The following AARSD1 variants were observed in gnomAD, a reference collection of about 807,000 sequenced individuals.
The protein encoded by AARSD1 is alanyl-tRNA synthetase domain containing 1, also known as alanyl-tRNA editing protein Aarsd1.
A neutral mutation model predicts 48.7 loss-of-function variants in AARSD1; 44 were observed. The observed-to-expected ratio is 0.90, with a 90% CI of 0.71 to 1.16. The LOEUF is 1.16. AARSD1 is among the 50% of genes most tolerant of loss of function. The pLI is 0.00. For missense variants in AARSD1, 511 were observed against 523.1 expected, an observed-to-expected ratio of 0.98 and a Z score of 0.23; for synonymous variants, 189 against 194.9, an observed-to-expected ratio of 0.97 and a Z score of 0.25.
Position 42,964,409 on chromosome 17 carries a change from G to A in AARSD1, c.32C>T (p.Ala11Val). 5.8e-6 allele frequency: 9 copies of A among 1,551,358 alleles called. No homozygotes were observed. The highest frequency in any genetic ancestry group is 7.8e-6 in the Non-Finnish European group (9 of 1,147,264). The change falls in exon 1 of 12, where the codon GCC becomes GTC. Residue 11 changes from alanine to valine, a missense_variant. By Grantham distance (64) the Ala-to-Val change is moderately conservative (BLOSUM62 0). Coordinates refer to ENST00000427569, the MANE Select transcript of AARSD1 (RefSeq NM_001261434.2). The stretch of plus-strand genomic sequence containing the variant: ...CTCGCCGTGACGCCGTACCTCTCGG[G>A]CATAACTGTCACGCTGACACCAGAA... The part of the protein sequence containing the change: MAFWCQRDSY[A>V]REFTTTVVSC...
At chr17:42,952,737 A>C (rs958651991) in intron 10 of AARSD1, among the ~76,000 whole-genome samples, 7 of 152,010 alleles carry the variant, frequency 4.6e-5, no homozygotes, top group African/African-American at 1.7e-4. Context: ...GACCATCAGG[A>C]GTGGGAAGAG....
chr17:42,956,349 C>A, intron 5 of AARSD1, 29 bp from the exon 6 acceptor site: 3 of 1,614,138 alleles, frequency 1.9e-6, no homozygotes, highest in Non-Finnish European at 2.5e-6. Flanking sequence ...GAGGGACTGT[C>A]TGAATCTGAT....
intron 3 of AARSD1, among the ~76,000 whole-genome samples, chr17:42,958,854 C>T (rs2049593436): frequency 6.6e-6 from 1 of 151,280 alleles, no homozygotes; most frequent in South Asian, 2.1e-4. Flanking sequence ...AGGCATGAGC[C>T]ACCACGCTCA....
chr17:42,959,873 A>C (rs1343454564), intron 3 of AARSD1, among the ~76,000 whole-genome samples: 1 of 150,618 alleles, frequency 6.6e-6, no homozygotes, highest in Non-Finnish European at 1.5e-5. Context: ...CATGTTGGCC[A>C]GGATGGTCTC....
At chr17:42,957,872 C>T (rs1275339854) in intron 3 of AARSD1, among the ~76,000 whole-genome samples, 1 of 151,960 alleles carries the variant, frequency 6.6e-6, no homozygotes, top group East Asian at 1.9e-4. Flanking sequence ...ACAGCAGCAT[C>T]CCTGATTGAC....
chr17:42,964,341 C>A (rs1485579701), intron 1 of AARSD1, 61 bp downstream of exon 1: 1 of 1,585,192 alleles, frequency 6.3e-7, no homozygotes, highest in Non-Finnish European at 8.6e-7. Flanking sequence ...CACGTGGCGC[C>A]CTCTTCCCCA....
At chr17:42,961,994 C>T (rs1368391017) in intron 2 of AARSD1, among the ~76,000 whole-genome samples, 3 of 150,388 alleles carry the variant, frequency 2.0e-5, no homozygotes, top group African/African-American at 7.3e-5. Context: ...CAGAGTGAGA[C>T]ACTGTCTCAT....
chr17:42,960,959 TG>T (rs1397258617), intron 3 of AARSD1: 1 of 584,888 alleles, frequency 1.7e-6, no homozygotes, highest in Non-Finnish European at 2.7e-6. Context: ...AGATATCGAG[TG>T]GGAAGTTGAT....
Position 42,956,503 on chromosome 17 carries a change from C to T in AARSD1, c.447G>A (p.Glu149=), listed in dbSNP as rs745804442. 4 of 1,614,078 alleles carry T rather than the reference C, an allele frequency of 2.5e-6. No individual in the cohort carries two copies. The highest frequency in any genetic ancestry group is 2.2e-5 in the East Asian group (1 of 44,878). ...IELDTPSMTA[E]QVAAIEQSVN... Reference sequence around the variant, plus strand: ...CGCTCTGCTCAATGGCAGCTACTTGCTCTGCAGTCATAGAGGGGGTGTCCA... The same window carrying T: ...CGCTCTGCTCAATGGCAGCTACTTGTTCTGCAGTCATAGAGGGGGTGTCCA... Residue 149 remains glutamate, a synonymous_variant, in exon 5 of 12, where the codon GAG becomes GAA. Transcript: ENST00000427569.
intron 8 of AARSD1, 24 bp from the exon 9 acceptor site, chr17:42,954,991 TA>T: frequency 6.2e-7 from 1 of 1,614,010 alleles, no homozygotes. Context: ...GGTAACTCAG[TA>T]GATAAATGGA....
chr17:42,950,756 A>C, intron 11 of AARSD1, 28 bp from the exon 12 acceptor site: 4 of 1,581,770 alleles, frequency 2.5e-6, no homozygotes, highest in Non-Finnish European at 3.4e-6. Context: ...AGTCAGGGAG[A>C]CTTTGAGGGA....
At chr17:42,958,964 C>T (rs1273858267) in intron 3 of AARSD1, among the ~76,000 whole-genome samples, 1 of 150,386 alleles carries the variant, frequency 6.6e-6, no homozygotes, top group East Asian at 2.1e-4. Context: ...TTTGGGAGGC[C>T]GAGGCGAGCA....
chr17:42,962,655 CATA>C (rs1265523958), intron 2 of AARSD1, among the ~76,000 whole-genome samples: 1 of 152,116 alleles, frequency 6.6e-6, no homozygotes, highest in Non-Finnish European at 1.5e-5. Context: ...GGAAAATCAC[CATA>C]ATAATGACTG....
At position 42,955,968 on chromosome 17, in the gene AARSD1, A is replaced by G. The variant is rs767779735; in HGVS notation, c.668T>C (p.Ile223Thr). ...CCCCTTCTCAGTGCCCAGAATCTTA[A>G]TGACCTACATGAGGCAAGGGGGTAA... Reference protein sequence around the residue: ...HVSNLSDLQVIKILGTEKGKK... With the variant: ...HVSNLSDLQVTKILGTEKGKK... The change falls in exon 7 of 12, where the codon ATT becomes ACT. Residue 223 changes from isoleucine to threonine, a missense_variant. By Grantham distance (89) the Ile-to-Thr change is moderately conservative. Coordinates refer to ENST00000427569, the MANE Select transcript of AARSD1 (RefSeq NM_001261434.2). The G allele has an allele frequency of 6.2e-7, 1 of 1,614,066 alleles. No individual in the cohort carries two copies. The highest frequency in any genetic ancestry group is 8.5e-7 in the Non-Finnish European group (1 of 1,179,998).
intron 3 of AARSD1, among the ~76,000 whole-genome samples, chr17:42,958,705 G>A (rs1463847546): frequency 2.0e-5 from 3 of 148,738 alleles, no homozygotes; most frequent in African/African-American, 7.4e-5. Context: ...CAAGTAGCTG[G>A]GATTACAGGT....
chr17:42,954,764 T>G, intron 9 of AARSD1, 112 bp downstream of exon 9: 11 of 1,219,604 alleles, frequency 9.0e-6, no homozygotes, highest in Non-Finnish European at 1.3e-5. Flanking sequence ...TACTCAACCT[T>G]GAGAATACCA....
chr17:42,960,328 A>C (rs140971838), intron 3 of AARSD1, among the ~76,000 whole-genome samples: 1 of 152,112 alleles, frequency 6.6e-6, no homozygotes, highest in African/African-American at 2.4e-5. Flanking sequence ...GCCAGACTGA[A>C]TGTGGGGCAA....
intron 4 of AARSD1, 59 bp from the exon 5 acceptor site, chr17:42,956,619 G>T: frequency 1.7e-6 from 2 of 1,156,292 alleles, no homozygotes; most frequent in South Asian, 1.6e-5. Context: ...AAAGCTGAAA[G>T]CTTTTCCTCT....
chr17:42,952,942 T>C (rs1163336489), intron 10 of AARSD1, among the ~76,000 whole-genome samples: 1 of 151,822 alleles, frequency 6.6e-6, no homozygotes, highest in Non-Finnish European at 1.5e-5. Flanking sequence ...ACCTCCCAAG[T>C]AGCTGGGTCT....
Sources: gnomAD v4.1 joint callset for allele counts (sites outside exome capture counted in the v4.1 genomes callset) on GRCh38, gnomAD v4.1.1 for gene constraint, MANE v1.5 for transcripts, NCBI Gene and HGNC (gene_info 2026-07-23, HGNC 2026-07-21) for gene names.